ARMC2: variants seen among roughly 807,000 people sequenced by gnomAD.
The protein encoded by ARMC2 is armadillo repeat-containing protein 2.
ARMC2 carries 67 observed loss-of-function variants against 90.3 expected under a neutral mutation model. The ratio of observed to expected loss-of-function variants is 0.74; its 90% CI spans 0.61 to 0.91. ARMC2 has a LOEUF of 0.91. Among genes scored for constraint, ARMC2 ranks in the 40% least tolerant of loss-of-function variants. ARMC2 has a pLI of 0.00. For synonymous variants in ARMC2, 393 were observed against 393.0 expected (o/e 1.00, Z 0.00); for missense variants, 920 against 1,030.9 (o/e 0.89, Z 1.47).
rs1401638114 is a variant in ARMC2, at chr6:108,943,389, C to T, written c.1596+6390C>T. On this transcript the variant is annotated intron_variant, in intron 12 of 17. Coordinates refer to ENST00000392644, the MANE Select transcript of ARMC2 (RefSeq NM_032131.6). ...ATAAGGATTTATATTTACAAGAATT[C>T]ATATTATTTTTTAAAAAGCATTATT... Among the ~76,000 whole-genome samples the T allele has an allele frequency of 2.6e-5, 4 of 152,060 alleles. No homozygotes were observed. In the East Asian group the frequency reaches 7.7e-4, roughly 29 times the overall value.
chr6:108,896,232 A>C (rs1037396512), intron 6 of ARMC2, among the ~76,000 whole-genome samples: 4 of 152,216 alleles, frequency 2.6e-5, no homozygotes, highest in Admixed American at 2.6e-4. Flanking sequence ...GCTGTGGTTA[A>C]CAACTATAAC....
intron 10 of ARMC2, among the ~76,000 whole-genome samples, chr6:108,917,651 A>AAG (rs759008051): frequency 1.7e-3 from 262 of 152,164 alleles, no homozygotes; most frequent in Admixed American, 4.9e-3. Flanking sequence ...TTTAAATTTT[A>AAG]ATATATATTT....
intron 12 of ARMC2, among the ~76,000 whole-genome samples, chr6:108,946,184 T>A (rs1298464880): frequency 6.6e-6 from 1 of 152,210 alleles, no homozygotes; most frequent in Non-Finnish European, 1.5e-5. Context: ...AATGCCTGAT[T>A]TATGTCTGCT....
chr6:108,873,110 A>G (rs940651274), intron 4 of ARMC2, among the ~76,000 whole-genome samples: 2 of 152,202 alleles, frequency 1.3e-5, no homozygotes, highest in Non-Finnish European at 2.9e-5. Flanking sequence ...CCTGGTCCTT[A>G]TGGTCTCTGC....
the ARMC2 span, chr6:109,000,291 A>G: frequency 4.7e-6 from 2 of 421,702 alleles, no homozygotes; most frequent in East Asian, 7.1e-5. Context: ...AATGTGAACT[A>G]TAGAGTTACT....
the ARMC2 span, among the ~76,000 whole-genome samples, chr6:109,019,591 C>CT: frequency 6.6e-6 from 1 of 152,154 alleles, no homozygotes. Flanking sequence ...TAAAGTCACT[C>CT]TTATCCTTTA....
chr6:108,964,169 T>G lies in ARMC2; in HGVS notation c.2153-11T>G, dbSNP rs568793542. 19 of 1,610,696 alleles carry G rather than the reference T, an allele frequency of 1.2e-5. No homozygotes were observed. In the African/African-American group the frequency reaches 1.6e-4, roughly 14 times the overall value. ...CTTTTACTGGTCTGCATTTGCTCTC[T>G]TCCCTCGTAGTCCACAGGTTCATGA... On this transcript the variant is annotated splice_polypyrimidine_tract_variant and intron_variant, in intron 15 of 17. Transcript: ENST00000392644.
intron 17 of ARMC2, among the ~76,000 whole-genome samples, chr6:108,966,154 G>A (rs1399813753): frequency 1.4e-5 from 2 of 146,720 alleles, no homozygotes; most frequent in African/African-American, 5.1e-5. Context: ...AGGTCACTTG[G>A]AAGCCATAGG....
chr6:108,983,499 A>C, the ARMC2 span, among the ~76,000 whole-genome samples: 1 of 152,292 alleles, frequency 6.6e-6, no homozygotes, highest in East Asian at 1.9e-4. Flanking sequence ...CCATTTGTTA[A>C]AGAGACTGTC....
At chr6:108,991,080 AAC>A in the ARMC2 span, among the ~76,000 whole-genome samples, 1 of 149,474 alleles carries the variant, frequency 6.7e-6, no homozygotes, top group Non-Finnish European at 1.5e-5. Context: ...AAAAAACAAC[AAC>A]AAAAAAAAAC....
the ARMC2 span, among the ~76,000 whole-genome samples, chr6:109,001,927 A>G: frequency 4.6e-5 from 7 of 152,210 alleles, no homozygotes; most frequent in African/African-American, 1.7e-4. Flanking sequence ...TTAAAGATCC[A>G]ATCTAGCACT....
At chr6:109,005,193 C>G in the ARMC2 span, among the ~76,000 whole-genome samples, 4 of 152,266 alleles carry the variant, frequency 2.6e-5, 1 homozygote, top group South Asian at 8.3e-4. Flanking sequence ...AAGGCTGTTT[C>G]AATAAAGTTC....
At chr6:108,951,314 G>T (rs1314806834) in intron 12 of ARMC2, among the ~76,000 whole-genome samples, 1 of 152,184 alleles carries the variant, frequency 6.6e-6, no homozygotes, top group Non-Finnish European at 1.5e-5. Flanking sequence ...TTATGTGTGT[G>T]TATTCCTAGG....
At chr6:108,918,638 G>A (rs775501472) in intron 10 of ARMC2, among the ~76,000 whole-genome samples, 1 of 152,148 alleles carries the variant, frequency 6.6e-6, no homozygotes, top group African/African-American at 2.4e-5. Context: ...ACCCTGCATG[G>A]TCCAGTGAGG....
the ARMC2 span, among the ~76,000 whole-genome samples, chr6:109,016,358 T>C: frequency 6.6e-6 from 1 of 152,222 alleles, no homozygotes; most frequent in African/African-American, 2.4e-5. Context: ...TATGTGCTTT[T>C]CTTGCACAGT....
downstream of ARMC2, among the ~76,000 whole-genome samples, chr6:108,977,586 T>C (rs1779009765): frequency 6.6e-6 from 1 of 152,280 alleles, no homozygotes; most frequent in Non-Finnish European, 1.5e-5. Context: ...CCAGCTCCTT[T>C]TTGTACCTCT....
chr6:109,004,506 G>A, the ARMC2 span, among the ~76,000 whole-genome samples: 2 of 150,532 alleles, frequency 1.3e-5, no homozygotes, highest in Non-Finnish European at 3.0e-5. Context: ...GCATGATCTC[G>A]GCTCACTGCA....
chr6:108,889,755 ATTC>A (rs1770763730), intron 5 of ARMC2, among the ~76,000 whole-genome samples: 1 of 151,646 alleles, frequency 6.6e-6, no homozygotes, highest in Admixed American at 6.6e-5. Context: ...GCCAACTTTT[ATTC>A]TTTTAAGGCC....
chr6:108,907,956 T>C, intron 8 of ARMC2: 7 of 1,173,520 alleles, frequency 6.0e-6, no homozygotes, highest in Non-Finnish European at 7.2e-6. Flanking sequence ...TTATTTTAAA[T>C]ACCTAATCAT....
Sources: allele counts gnomAD v4.1 joint callset (sites outside exome capture counted in the v4.1 genomes callset), GRCh38; gene constraint gnomAD v4.1.1; transcripts MANE v1.5; gene names NCBI Gene and HGNC (gene_info 2026-07-23, HGNC 2026-07-21).